Variants in UBE2V2 observed in about 807,000 individuals in gnomAD.
UBE2V2 encodes ubiquitin-conjugating enzyme E2 variant 2.
UBE2V2 carries 9 observed loss-of-function variants against 17.2 expected under a neutral mutation model. The observed-to-expected ratio is 0.52, with a 90% CI of 0.32 to 0.91. The LOEUF is 0.91. UBE2V2 is among the 40% of genes least tolerant of loss of function. The probability of loss-of-function intolerance (pLI) is 0.04; values close to 1 mark genes in which losing one functional copy is unlikely to be tolerated. For missense variants in UBE2V2, 133 were observed against 182.6 expected (o/e 0.73, Z 1.56); for synonymous variants, 61 against 57.5 (o/e 1.06, Z -0.28).
intron 1 of UBE2V2, among the ~76,000 whole-genome samples, chr8:48,026,176 G>A (rs1489512699): frequency 6.6e-6 from 1 of 151,864 alleles, no homozygotes; most frequent in Admixed American, 6.6e-5. Flanking sequence ...TTATCGGGTA[G>A]GAAGAACTTG....
intron 1 of UBE2V2, among the ~76,000 whole-genome samples, chr8:48,032,469 T>C (rs2091390281): frequency 2.0e-5 from 3 of 152,128 alleles, no homozygotes; most frequent in Admixed American, 2.0e-4. Context: ...TCAGAAAAAG[T>C]GTAGCTGGGC....
At chr8:48,011,495 A>G (rs1462677461) in intron 1 of UBE2V2, among the ~76,000 whole-genome samples, 1 of 152,186 alleles carries the variant, frequency 6.6e-6, no homozygotes, top group Non-Finnish European at 1.5e-5. Flanking sequence ...CGTGTTTTTT[A>G]TTTAAGCCAA....
intron 3 of UBE2V2, among the ~76,000 whole-genome samples, chr8:48,051,147 C>T (rs2091534057): frequency 6.6e-6 from 1 of 152,102 alleles, no homozygotes; most frequent in Non-Finnish European, 1.5e-5. Flanking sequence ...GTGTCCAGCC[C>T]ATTGTCTCTT....
upstream of UBE2V2, among the ~76,000 whole-genome samples, chr8:48,003,505 G>A (rs567810397): frequency 2.0e-5 from 3 of 152,196 alleles, no homozygotes; most frequent in South Asian, 4.1e-4. Flanking sequence ...TTCCCAGGGC[G>A]CATAATGGGT....
the UBE2V2 span, among the ~76,000 whole-genome samples, chr8:47,998,835 C>A: frequency 6.6e-6 from 1 of 152,076 alleles, no homozygotes; most frequent in African/African-American, 2.4e-5. Context: ...TATTAACCTG[C>A]CGGCTGACCC....
At chr8:47,998,219 G>A in the UBE2V2 span, among the ~76,000 whole-genome samples, 3 of 151,994 alleles carry the variant, frequency 2.0e-5, no homozygotes, top group South Asian at 2.1e-4. Flanking sequence ...ATTTCTGAAC[G>A]GAGGCCAAGA....
chr8:48,018,676 A>G (rs754191467), intron 1 of UBE2V2, among the ~76,000 whole-genome samples: 5 of 152,122 alleles, frequency 3.3e-5, no homozygotes, highest in Non-Finnish European at 5.9e-5. Context: ...CATTTGTTCT[A>G]TAGTGTAGCT....
chr8:48,034,928 C>A, intron 1 of UBE2V2: 1 of 746,832 alleles, frequency 1.3e-6, no homozygotes, highest in Non-Finnish European at 1.6e-6. Context: ...ACGCCTTGCT[C>A]CCCCTCCCTG....
Position 48,060,690 on chromosome 8 carries a change from C to G in UBE2V2, c.300C>G (p.Ala100=), listed in dbSNP as rs754148050. 1 of 1,493,670 alleles carries G rather than the reference C, an allele frequency of 6.7e-7. No homozygotes were observed. Among genetic ancestry groups the G allele is most frequent in the African/African-American group, 1.4e-5 (1 of 69,522 alleles). The allele number at this position is 1,493,670 out of a possible 1,614,324, so 92.5% of individuals were successfully genotyped here. ...GINNSSGMVD[A]RSIPVLAKWQ... The stretch of plus-strand genomic sequence containing the variant: ...CTTTCCTCCCCTTTCAGGTGGATGC[C>G]CGGAGCATACCAGTGTTAGCAAAAT... The change falls in exon 4 of 4, where the codon GCC becomes GCG. Residue 100 remains alanine, a synonymous_variant. Transcript: ENST00000523111.
chr8:48,009,316 A>T (rs1178698559), intron 1 of UBE2V2, among the ~76,000 whole-genome samples: 1 of 144,446 alleles, frequency 6.9e-6, no homozygotes, highest in African/African-American at 2.6e-5. Context: ...GCCCAGTTGG[A>T]ATGCAGTGGT....
intron 3 of UBE2V2, among the ~76,000 whole-genome samples, chr8:48,053,458 C>G (rs575164150): frequency 2.1e-5 from 3 of 144,090 alleles, no homozygotes; most frequent in Admixed American, 1.4e-4. Context: ...GAGTCTCACT[C>G]TGTCTCCCAG....
At chr8:48,023,833 G>A (rs896777197) in intron 1 of UBE2V2, among the ~76,000 whole-genome samples, 3 of 152,076 alleles carry the variant, frequency 2.0e-5, no homozygotes, top group Non-Finnish European at 2.9e-5. Flanking sequence ...CCAAGATTGC[G>A]CCACTGTACT....
intron 1 of UBE2V2, among the ~76,000 whole-genome samples, chr8:48,037,651 GC>G (rs2091433808): frequency 6.6e-6 from 1 of 152,144 alleles, no homozygotes. Flanking sequence ...CTCCACAAGA[GC>G]AGGACTTTGA....
At chr8:48,058,179 C>G (rs45530933) in intron 3 of UBE2V2, among the ~76,000 whole-genome samples, 1 of 151,384 alleles carries the variant, frequency 6.6e-6, no homozygotes, top group East Asian at 1.9e-4. Context: ...ATAAAAAATA[C>G]AAAAATTGGC....
intron 3 of UBE2V2, among the ~76,000 whole-genome samples, chr8:48,058,438 G>A (rs549948274): frequency 1.3e-5 from 2 of 152,040 alleles, no homozygotes; most frequent in African/African-American, 4.8e-5. Flanking sequence ...GCCTGTGGTG[G>A]TGTGCGCCTG....
upstream of UBE2V2, among the ~76,000 whole-genome samples, chr8:48,005,221 A>G (rs1460648234): frequency 6.6e-6 from 1 of 150,700 alleles, no homozygotes; most frequent in East Asian, 1.9e-4. Context: ...CCCTGTGTCC[A>G]TGTGTTCTCA....
At chr8:48,037,244 T>G (rs1420545918) in intron 1 of UBE2V2, among the ~76,000 whole-genome samples, 1 of 152,252 alleles carries the variant, frequency 6.6e-6, no homozygotes, top group Non-Finnish European at 1.5e-5. Flanking sequence ...CAGGGATTGG[T>G]TGTTTCTTTT....
At chr8:48,025,029 G>C (rs2091331255) in intron 1 of UBE2V2, among the ~76,000 whole-genome samples, 2 of 151,516 alleles carry the variant, frequency 1.3e-5, no homozygotes, top group Non-Finnish European at 2.9e-5. Flanking sequence ...CCGCTTCCTG[G>C]GTTCAAGTGA....
At chr8:48,008,308 C>T (rs1437518651), upstream of UBE2V2, 9 of 1,080,138 alleles carry the variant, frequency 8.3e-6, no homozygotes, top group Non-Finnish European at 1.1e-5. Flanking sequence ...CGCGACCCCT[C>T]GGCCCACGTG....
Sources: gnomAD v4.1 joint callset for allele counts (sites outside exome capture counted in the v4.1 genomes callset) on GRCh38, gnomAD v4.1.1 for gene constraint, MANE v1.5 for transcripts, NCBI Gene and HGNC (gene_info 2026-07-23, HGNC 2026-07-21) for gene names.